The following ARID1B variants were observed in gnomAD, a reference collection of about 807,000 sequenced individuals.
The protein encoded by ARID1B is AT-rich interaction domain 1B, also known as AT-rich interactive domain-containing protein 1B.
ARID1B carries 30 observed loss-of-function variants against 212.3 expected under a neutral mutation model. The ratio of observed to expected loss-of-function variants is 0.14; its 90% confidence interval spans 0.11 to 0.19. The LOEUF is 0.19. Ranked by LOEUF, ARID1B falls within the 10% of genes least tolerant of loss-of-function variation. The probability of loss-of-function intolerance (pLI) is 1.00; values close to 1 mark genes in which losing one functional copy is unlikely to be tolerated. For synonymous variants in ARID1B, 1,402 were observed against 1,301.7 expected, an observed-to-expected ratio of 1.08 and a Z score of -1.66; for missense variants, 2,891 against 3,204.0, an observed-to-expected ratio of 0.90 and a Z score of 2.36.
chr6:156,831,297 G>C (rs1393138547), intron 2 of ARID1B, among the ~76,000 whole-genome samples: 1 of 152,250 alleles, frequency 6.6e-6, no homozygotes, highest in Non-Finnish European at 1.5e-5. Context: ...CACAGGAAGA[G>C]AGCAGAGGTG....
At chr6:156,802,854 C>A (rs1320101054) in intron 1 of ARID1B, among the ~76,000 whole-genome samples, 3 of 152,142 alleles carry the variant, frequency 2.0e-5, no homozygotes, top group Admixed American at 1.3e-4. Flanking sequence ...TATATGTGTA[C>A]ATATGTGTTT....
intron 11 of ARID1B, among the ~76,000 whole-genome samples, chr6:157,178,722 CTTAAGT>C (rs67591419): frequency 0.14 from 21,861 of 152,074 alleles, 3,192 homozygotes; most frequent in African/African-American, 0.38. Context: ...GTTAATTAAA[CTTAAGT>C]TTATTTAACC....
At chr6:157,020,763 A>G (rs1381116523) in intron 4 of ARID1B, among the ~76,000 whole-genome samples, 2 of 152,220 alleles carry the variant, frequency 1.3e-5, no homozygotes, top group Non-Finnish European at 2.9e-5. Context: ...CTCCCCTTAT[A>G]TAACTCTTGG....
intron 2 of ARID1B, among the ~76,000 whole-genome samples, chr6:156,866,245 CT>C (rs1785682831): frequency 6.6e-6 from 1 of 152,164 alleles, no homozygotes. Flanking sequence ...AGGAGCCCCT[CT>C]TTTGCTCTTC....
Position 156,935,486 on chromosome 6 carries a change from T to C in ARID1B, c.2157T>C (p.Tyr719=). The change falls in exon 4 of 20, where the codon TAT becomes TAC. Residue 719 remains tyrosine, a synonymous_variant. Transcript: ENST00000636930. The part of the protein sequence containing the change: ...QPQQDMSQEG[Y]GTRSQPPLAP... ...TTTAGGACATGTCTCAGGAAGGCTA[T>C]GGAACTAGATCTCAACCTCCTCTGG... is the stretch of plus-strand genomic sequence containing the variant. The C allele has an allele frequency of 6.2e-7, 1 of 1,613,598 alleles. No homozygotes were observed. The highest frequency in any genetic ancestry group is 2.2e-5 in the East Asian group (1 of 44,874).
intron 5 of ARID1B, among the ~76,000 whole-genome samples, chr6:157,098,370 C>G (rs1785800915): frequency 6.6e-6 from 1 of 152,116 alleles, no homozygotes; most frequent in African/African-American, 2.4e-5. Flanking sequence ...GAAGGCCGGG[C>G]TAGCGATGCC....
intron 4 of ARID1B, among the ~76,000 whole-genome samples, chr6:156,962,618 G>T (rs555682398): frequency 2.2e-4 from 34 of 152,220 alleles, no homozygotes; most frequent in Admixed American, 1.3e-3. Flanking sequence ...AAGTAGCTGG[G>T]ACTACAGGCA....
At chr6:156,884,201 T>C (rs1032874699) in intron 2 of ARID1B, among the ~76,000 whole-genome samples, 9 of 152,212 alleles carry the variant, frequency 5.9e-5, no homozygotes, top group African/African-American at 2.2e-4. Context: ...TGACATAAAA[T>C]ATGTTTCTTC....
intron 4 of ARID1B, chr6:156,985,366 G>C (rs1171888266): frequency 6.6e-6 from 1 of 152,230 alleles, no homozygotes; most frequent in South Asian, 2.1e-4. Context: ...AAATGTAAAG[G>C]AAGGTTTTTT....
chr6:157,126,038 A>T (rs1214550473), intron 6 of ARID1B, among the ~76,000 whole-genome samples: 1 of 152,136 alleles, frequency 6.6e-6, no homozygotes, highest in Non-Finnish European at 1.5e-5. Flanking sequence ...CGAGAATGTT[A>T]GAGTAAAATA....
rs1268821728 is a variant in ARID1B at position 156,893,060 on chromosome 6, T to TTTTTTTTTTTTTTTG, written c.1987-8316_1987-8315insTTTTTTTTTTTTTTG. Among the ~76,000 whole-genome samples the TTTTTTTTTTTTTTTG allele has an allele frequency of 1.7e-3, 235 of 137,738 alleles. 8 individuals carry two copies. The highest frequency in any genetic ancestry group is 4.0e-3 in the African/African-American group (143 of 36,164). The allele number at this position is 137,738 out of a possible 152,430, so 90.4% of individuals were successfully genotyped here. A position where few individuals can be genotyped will look rare whatever the true frequency, so the allele number is the denominator to read the frequency against. ...TTTTTTCTTCCTTTTTTTTTTTTTT[T>TTTTTTTTTTTTTTTG]GAGATGGAGTCTTGCCCTGTCACCC... is the stretch of plus-strand genomic sequence containing the variant. On this transcript the variant is annotated intron_variant, in intron 2 of 19. Coordinates refer to ENST00000636930, the MANE Select transcript of ARID1B (RefSeq NM_001374828.1).
intron 4 of ARID1B, among the ~76,000 whole-genome samples, chr6:157,069,302 C>T (rs1420810175): frequency 6.6e-6 from 1 of 152,144 alleles, no homozygotes; most frequent in East Asian, 1.9e-4. Flanking sequence ...CTTGCATTTA[C>T]TATTTATTGC....
Position 156,950,241 on chromosome 6 carries a change from G to T in ARID1B, c.2247+14665G>T, listed in dbSNP as rs115426601. Among the ~76,000 whole-genome samples the T allele has an allele frequency of 3.6e-3, 547 of 152,300 alleles. 6 individuals are homozygous for T. The highest frequency in any genetic ancestry group is 0.013 in the African/African-American group (523 of 41,566). ...TAGGTACAGATCTACTTGGTTTGCA[G>T]CAAATCTGCTTTAGGCAAACTCCTT... On this transcript the variant is annotated intron_variant, in intron 4 of 19. Transcript: ENST00000636930.
intron 7 of ARID1B, among the ~76,000 whole-genome samples, chr6:157,141,899 A>C (rs1789381288): frequency 6.6e-6 from 1 of 152,274 alleles, no homozygotes; most frequent in South Asian, 2.1e-4. Context: ...CCATACAGCC[A>C]GCAATCTAAT....
intron 4 of ARID1B, among the ~76,000 whole-genome samples, chr6:156,990,936 T>C (rs1778241469): frequency 1.3e-5 from 2 of 152,252 alleles, no homozygotes; most frequent in Admixed American, 1.3e-4. Context: ...ATAACTATAA[T>C]AGTAACAACA....
chr6:157,052,844 C>G (rs1041044856), intron 4 of ARID1B, among the ~76,000 whole-genome samples: 2 of 151,996 alleles, frequency 1.3e-5, no homozygotes, highest in South Asian at 4.1e-4. Context: ...CTCGGCCTCC[C>G]GAGTAGCTGG....
chr6:156,974,620 T>C (rs937571952), intron 4 of ARID1B, among the ~76,000 whole-genome samples: 1 of 152,196 alleles, frequency 6.6e-6, no homozygotes, highest in Non-Finnish European at 1.5e-5. Context: ...AAAATCCAAG[T>C]GTAGGCATAG....
intron 3 of ARID1B, among the ~76,000 whole-genome samples, chr6:156,906,393 C>CA (rs1789378487): frequency 6.6e-6 from 1 of 151,406 alleles, no homozygotes; most frequent in Admixed American, 6.6e-5. Flanking sequence ...ACTAAAAATA[C>CA]AAAATTAGCT....
chr6:157,125,102 G>A (rs11968527), intron 6 of ARID1B, among the ~76,000 whole-genome samples: 4,714 of 152,240 alleles, frequency 0.031, 254 homozygotes, highest in African/African-American at 0.11. Context: ...CGGCAGACTC[G>A]TGTGCTGGGC....
Sources: allele counts gnomAD v4.1 joint callset (sites outside exome capture counted in the v4.1 genomes callset), GRCh38; gene constraint gnomAD v4.1.1; transcripts MANE v1.5; gene names NCBI Gene and HGNC (gene_info 2026-07-23, HGNC 2026-07-21).